PCDHGC4: variants seen among roughly 807,000 people sequenced by gnomAD.
PCDHGC4 encodes protocadherin gamma subfamily C, 4, also known as protocadherin gamma-C4.
Under a neutral mutation model 59.7 loss-of-function variants are expected in PCDHGC4, and 15 were observed. The observed-to-expected ratio is 0.25, with a 90% CI of 0.17 to 0.39. The LOEUF is 0.39. PCDHGC4 is among the 10% of genes least tolerant of loss of function. The pLI, the probability that PCDHGC4 is intolerant of heterozygous loss-of-function variation, is 1.00. For synonymous variants in PCDHGC4, 434 were observed against 481.4 expected (o/e 0.90, Z 1.29); for missense variants, 1,016 against 1,189.5 (o/e 0.85, Z 2.15).
Position 141,511,345 on chromosome 5 carries a change from TC to T in PCDHGC4, c.*179del, listed in dbSNP as rs535135679. On this transcript the variant is annotated 3_prime_UTR_variant, in exon 4 of 4. Coordinates refer to ENST00000306593, the MANE Select transcript of PCDHGC4 (RefSeq NM_018928.3). ...AAGTGCCCAGTCAGCACCTACCCCTTCCCCCCCAGGGGGTTGAATATGCAAA... is the reference window on the plus strand; with the variant it reads ...AAGTGCCCAGTCAGCACCTACCCCTTCCCCCCAGGGGGTTGAATATGCAAA... The T allele has an allele frequency of 2.2e-5, 31 of 1,410,342 alleles. No individual in the cohort carries two copies. Among genetic ancestry groups the T allele is most frequent in the South Asian group, 2.9e-5 (2 of 68,200 alleles). 87.4% of individuals were successfully genotyped at this position (1,410,342 alleles called of 1,614,324 possible). A position where few individuals can be genotyped will look rare whatever the true frequency, so the allele number is the denominator to read the frequency against.
Position 141,489,592 on chromosome 5 carries a change from C to T in PCDHGC4, c.2442+1977C>T, listed in dbSNP as rs747085985. 1.3e-5 allele frequency: 21 copies of T among 1,613,928 alleles called. No individual in the cohort carries two copies. The East Asian group carries it at 1.6e-4, about 12-fold the overall frequency. ...GACTGAACACCCCCTGGAGCTAATC[C>T]GTGTAGAGGTAGAGATCCTGGATCT... is the stretch of plus-strand genomic sequence containing the variant. On this transcript the variant is annotated intron_variant, in intron 1 of 3. Transcript: ENST00000306593. This position sits in a 1 kb window ranked among gnomAD's most constrained non-coding sequence, Gnocchi z 4.5.
At chr5:141,494,064 G>T (rs1233070772) in intron 1 of PCDHGC4, among the ~76,000 whole-genome samples, 2 of 152,160 alleles carry the variant, frequency 1.3e-5, no homozygotes, top group South Asian at 2.1e-4. Flanking sequence ...TGTGGGAGCT[G>T]GATCCCTCCC....
chr5:141,486,578 C>A lies in PCDHGC4; in HGVS notation c.1405C>A (p.Arg469Ser), dbSNP rs780578882. 5 of 1,613,610 alleles carry A rather than the reference C, an allele frequency of 3.1e-6. No homozygotes were observed. In the Admixed American group the frequency reaches 6.7e-5, roughly 22 times the overall value. Residue 469 changes from arginine (R) to serine (S), a missense_variant, in exon 1 of 4, where the codon CGC (arginine) becomes AGC (serine). Physicochemically the swap from Arg to Ser is moderately radical, Grantham distance 110 (BLOSUM62 -1). Coordinates refer to ENST00000306593, the MANE Select transcript of PCDHGC4 (RefSeq NM_018928.3). The surrounding 1 kb of genome is among the most constrained non-coding windows in gnomAD (Gnocchi z 5.0). Reference protein sequence around the residue: ...SHEVFVPENNRPGDLLCSLAA... With the variant: ...SHEVFVPENNSPGDLLCSLAA... Reference sequence around the variant, plus strand: ...TGAGGTGTTTGTTCCTGAGAACAATCGCCCAGGGGACCTGCTTTGCTCCCT... The same window carrying A: ...TGAGGTGTTTGTTCCTGAGAACAATAGCCCAGGGGACCTGCTTTGCTCCCT...
chr5:141,488,014 C>T (rs2099670661), intron 1 of PCDHGC4, among the ~76,000 whole-genome samples: 1 of 152,120 alleles, frequency 6.6e-6, no homozygotes, highest in South Asian at 2.1e-4. Context: ...TCTGAAGTAC[C>T]TTAACTCTAG....
chr5:141,497,626 G>T (rs1373764805), intron 2 of PCDHGC4, among the ~76,000 whole-genome samples: 3 of 149,502 alleles, frequency 2.0e-5, no homozygotes, highest in Non-Finnish European at 4.4e-5. Flanking sequence ...TGCAACCTCT[G>T]CCTGCCAGGT....
rs779292483 is a variant in PCDHGC4 at position 141,491,102 on chromosome 5, T to C, written c.2442+3487T>C. The C allele has an allele frequency of 6.2e-7, 1 of 1,614,152 alleles. No individual in the cohort carries two copies. Among genetic ancestry groups the C allele is most frequent in the Non-Finnish European group, 8.5e-7 (1 of 1,180,006 alleles). ...TCCACAGCCCCAGGACTGTTCCTCG[T>C]GTCTACACACACTGGTGAGGTGCGC... On this transcript the variant is annotated intron_variant, in intron 1 of 3. Transcript: ENST00000306593. This position sits in a 1 kb window ranked among gnomAD's most constrained non-coding sequence, Gnocchi z 6.9.
chr5:141,496,478 G>A lies in PCDHGC4; in HGVS notation c.2501+1613G>A, dbSNP rs150992994. 7.2e-3 allele frequency among the ~76,000 whole-genome samples: 1,093 copies of A among 152,228 alleles called. 19 individuals are homozygous for A. The highest frequency in any genetic ancestry group is 0.025 in the African/African-American group (1,039 of 41,518). ...CCAAGAGTTATCTTTCCCCCATCCT[G>A]CAACCAACCAAACCCTTGTTGCCAC... is the stretch of plus-strand genomic sequence containing the variant. On this transcript the variant is annotated intron_variant, in intron 2 of 3. Transcript: ENST00000306593.
chr5:141,488,572 T>C (rs888054788), intron 1 of PCDHGC4, among the ~76,000 whole-genome samples: 28 of 152,212 alleles, frequency 1.8e-4, no homozygotes, highest in African/African-American at 6.8e-4. Flanking sequence ...CCGCAAAGCA[T>C]TGCTGGAGAG....
chr5:141,501,125 C>A (rs2099805699), intron 2 of PCDHGC4, among the ~76,000 whole-genome samples: 1 of 152,140 alleles, frequency 6.6e-6, no homozygotes, highest in South Asian at 2.1e-4. Context: ...CCTCAGCCTC[C>A]CTAAGTGCTG....
chr5:141,497,649 C>T (rs973501351), intron 2 of PCDHGC4, among the ~76,000 whole-genome samples: 1 of 151,784 alleles, frequency 6.6e-6, no homozygotes, highest in Non-Finnish European at 1.5e-5. Context: ...AAGCGATTCT[C>T]CTGCCTCAGC....
chr5:141,509,421 A>T (rs939726886), intron 3 of PCDHGC4, among the ~76,000 whole-genome samples: 5 of 152,088 alleles, frequency 3.3e-5, no homozygotes, highest in Non-Finnish European at 1.5e-5. Context: ...AGCCCCAATG[A>T]GTCAAACTCT....
chr5:141,511,400 T>A lies in PCDHGC4; in HGVS notation c.*227T>A, dbSNP rs1208021848. On this transcript the variant is annotated 3_prime_UTR_variant, in exon 4 of 4. Coordinates refer to ENST00000306593, the MANE Select transcript of PCDHGC4 (RefSeq NM_018928.3). ...AGTTCCGCTGGGAACCCCCATCCAA[T>A]CAACTGCTGTACCCATGGGGGTAGT... 1.1e-5 allele frequency: 11 copies of A among 982,132 alleles called. No individual in the cohort carries two copies. Among genetic ancestry groups the A allele is most frequent in the African/African-American group, 3.3e-5 (2 of 60,924 alleles). 60.8% of individuals were successfully genotyped at this position (982,132 alleles called of 1,614,324 possible).
At chr5:141,506,735 G>A (rs1467217136) in intron 3 of PCDHGC4, among the ~76,000 whole-genome samples, 1 of 152,098 alleles carries the variant, frequency 6.6e-6, no homozygotes, top group Non-Finnish European at 1.5e-5. Context: ...TTAGAATAAT[G>A]CCTATTAATA....
intron 2 of PCDHGC4, among the ~76,000 whole-genome samples, chr5:141,501,286 C>T (rs2099806802): frequency 8.9e-6 from 1 of 112,422 alleles, no homozygotes; most frequent in African/African-American, 3.5e-5. Context: ...GGGATATTCC[C>T]TTATACACAC....
Position 141,486,484 on chromosome 5 carries a change from C to A in PCDHGC4, c.1311C>A (p.Thr437=). The change falls in exon 1 of 4, where the codon ACC becomes ACA. Residue 437 remains threonine (T), a synonymous_variant. Transcript: ENST00000306593. This position sits in a 1 kb window ranked among gnomAD's most constrained non-coding sequence, Gnocchi z 5.0. ...ATGCTGGGAACCCTCCTCTCAGTAC[C>A]CACAGAACTATTTTCCTCAATATTT... is the stretch of plus-strand genomic sequence containing the variant. ...ASDAGNPPLS[T]HRTIFLNISD... is the part of the protein sequence containing the mutation. 5 of 1,614,102 alleles carry A rather than the reference C, an allele frequency of 3.1e-6. No homozygotes were observed. Among genetic ancestry groups the A allele is most frequent in the Non-Finnish European group, 4.2e-6 (5 of 1,179,930 alleles).
At position 141,490,645 on chromosome 5, in the gene PCDHGC4, C is replaced by G; in HGVS notation, c.2442+3030C>G. ...TGCTTACATCCTAGAAAACCGGCCTCCGGGCTCCCTTCTTTGCACTGTGGC... is the reference window on the plus strand; with the variant it reads ...TGCTTACATCCTAGAAAACCGGCCTGCGGGCTCCCTTCTTTGCACTGTGGC... On this transcript the variant is annotated intron_variant, in intron 1 of 3. Transcript: ENST00000306593. The surrounding 1 kb of genome is among the most constrained non-coding windows in gnomAD (Gnocchi z 5.4). 6.2e-7 allele frequency: 1 copy of G among 1,614,220 alleles called. No homozygotes were observed. Among genetic ancestry groups the G allele is most frequent in the Non-Finnish European group, 8.5e-7 (1 of 1,180,022 alleles).
intron 2 of PCDHGC4, among the ~76,000 whole-genome samples, chr5:141,497,487 T>TCTCTCTCTC (rs1223198472): frequency 1.3e-5 from 2 of 151,562 alleles, no homozygotes; most frequent in Non-Finnish European, 2.9e-5. Flanking sequence ...GCGGAACCTC[T>TCTCTCTCTC]CTCTCTCTCC....
At chr5:141,509,669 G>GAGAA (rs2099877764) in intron 3 of PCDHGC4, among the ~76,000 whole-genome samples, 1 of 152,180 alleles carries the variant, frequency 6.6e-6, no homozygotes, top group African/African-American at 2.4e-5. Flanking sequence ...CTGGGCCCCA[G>GAGAA]TTTCTTCTTC....
rs2099710219 is a variant in PCDHGC4, at chr5:141,491,289, C to A, written c.2443-3518C>A. On this transcript the variant is annotated intron_variant, in intron 1 of 3. Transcript: ENST00000306593. The surrounding 1 kb of genome is among the most constrained non-coding windows in gnomAD (Gnocchi z 6.9). The stretch of plus-strand genomic sequence containing the variant: ...CCAAATCCAGTGACTTCCTCATACA[C>A]CCTCCTGAGCGTTCAGACCTTACCC... 1 of 1,614,112 alleles carries A rather than the reference C, an allele frequency of 6.2e-7. No homozygotes were observed. Among genetic ancestry groups the A allele is most frequent in the Non-Finnish European group, 8.5e-7 (1 of 1,179,942 alleles).
Sources: gnomAD v4.1 joint callset for allele counts (sites outside exome capture counted in the v4.1 genomes callset) on GRCh38, gnomAD v4.1.1 for gene constraint, Gnocchi (gnomAD v3.1) non-coding constraint, MANE v1.5 for transcripts, NCBI Gene and HGNC (gene_info 2026-07-23, HGNC 2026-07-21) for gene names.